The following SMCO4 variants were observed in gnomAD, a reference collection of about 807,000 sequenced individuals.
The protein encoded by SMCO4 is single-pass membrane protein with coiled-coil domains 4.
SMCO4 carries 4 observed loss-of-function variants against 3.6 expected under a neutral mutation model. That is an observed-to-expected ratio of 1.11 (90% CI 0.54 to 2.53). The LOEUF is 2.53. SMCO4 is among the 30% of genes most tolerant of loss of function. The pLI, the probability that SMCO4 is intolerant of heterozygous loss-of-function variation, is 0.02. For missense variants in SMCO4, 70 were observed against 80.8 expected, an observed-to-expected ratio of 0.87 and a Z score of 0.51; for synonymous variants, 36 against 35.3, an observed-to-expected ratio of 1.02 and a Z score of -0.07.
intron 2 of SMCO4, among the ~76,000 whole-genome samples, chr11:93,490,267 C>A (rs1194010172): frequency 6.6e-6 from 1 of 152,212 alleles, no homozygotes; most frequent in South Asian, 2.1e-4. Flanking sequence ...CCATCAGCAA[C>A]CTGAAACACA....
intron 2 of SMCO4, among the ~76,000 whole-genome samples, chr11:93,491,856 T>C (rs979511457): frequency 6.6e-6 from 1 of 152,190 alleles, no homozygotes; most frequent in Non-Finnish European, 1.5e-5. Context: ...TGGCCAGGTG[T>C]GGGCTAACAG....
chr11:93,484,645 G>A (rs1489275264), intron 2 of SMCO4, among the ~76,000 whole-genome samples: 2 of 151,864 alleles, frequency 1.3e-5, no homozygotes, highest in African/African-American at 4.8e-5. Context: ...AGCGAGGTCT[G>A]TGCTGTGGAG....
chr11:93,502,595 A>G (rs924719005), intron 1 of SMCO4, among the ~76,000 whole-genome samples: 1 of 152,216 alleles, frequency 6.6e-6, no homozygotes, highest in African/African-American at 2.4e-5. Context: ...AGGTACTCTC[A>G]TCATTCAACT....
At chr11:93,516,807 AAAAAAAGTAGAG>A (rs2134617077) in intron 1 of SMCO4, among the ~76,000 whole-genome samples, 1 of 150,210 alleles carries the variant, frequency 6.7e-6, no homozygotes, top group East Asian at 2.0e-4. Context: ...AAAAAAAAGA[AAAAAAAGTAGAG>A]AGAGAGATCT....
chr11:93,547,635 A>G (rs1455860334), upstream of SMCO4, among the ~76,000 whole-genome samples: 1 of 152,236 alleles, frequency 6.6e-6, no homozygotes, highest in African/African-American at 2.4e-5. Flanking sequence ...CCTGGTGCAT[A>G]CAGGAACTCA....
intron 1 of SMCO4, among the ~76,000 whole-genome samples, chr11:93,533,745 A>C (rs1949185708): frequency 1.3e-5 from 2 of 152,194 alleles, no homozygotes; most frequent in East Asian, 3.9e-4. Context: ...GCCTCCACCG[A>C]AGCCTCCCAC....
At chr11:93,483,162 T>C (rs1309747610) in intron 2 of SMCO4, among the ~76,000 whole-genome samples, 3 of 151,572 alleles carry the variant, frequency 2.0e-5, no homozygotes, top group Non-Finnish European at 4.4e-5. Flanking sequence ...TTCAATGAAA[T>C]AGGAGAAGGT....
intron 1 of SMCO4, among the ~76,000 whole-genome samples, chr11:93,509,682 C>G (rs1435756183): frequency 1.3e-5 from 2 of 152,176 alleles, no homozygotes; most frequent in Admixed American, 6.5e-5. Context: ...CTGGACGGAA[C>G]TGGAGATCAT....
intron 1 of SMCO4, among the ~76,000 whole-genome samples, chr11:93,510,844 A>G (rs1948950176): frequency 6.6e-6 from 1 of 152,216 alleles, no homozygotes; most frequent in African/African-American, 2.4e-5. Flanking sequence ...CATGCCTGTA[A>G]TCCAAGCACT....
At chr11:93,546,245 G>T (rs538550376), upstream of SMCO4, among the ~76,000 whole-genome samples, 113 of 152,328 alleles carry the variant, frequency 7.4e-4, no homozygotes, top group African/African-American at 2.6e-3. Flanking sequence ...TCTAAGCTTA[G>T]CAGAGCATCA....
intron 1 of SMCO4, among the ~76,000 whole-genome samples, chr11:93,542,311 G>A (rs754793209): frequency 5.2e-4 from 79 of 152,320 alleles, no homozygotes; most frequent in Admixed American, 1.4e-3. Flanking sequence ...GGGATCTAGA[G>A]GTGTCACTTA....
chr11:93,496,477 C>T (rs558477879), intron 2 of SMCO4, among the ~76,000 whole-genome samples: 1 of 152,288 alleles, frequency 6.6e-6, no homozygotes, highest in South Asian at 2.1e-4. Context: ...AATCTGGACA[C>T]AGTAAGCTTG....
chr11:93,495,851 T>C (rs1948766587), intron 2 of SMCO4, among the ~76,000 whole-genome samples: 2 of 152,236 alleles, frequency 1.3e-5, no homozygotes, highest in African/African-American at 2.4e-5. Context: ...CAGAACACAA[T>C]ATTCATTCTA....
intron 2 of SMCO4, among the ~76,000 whole-genome samples, chr11:93,494,991 C>G (rs938495645): frequency 6.6e-6 from 1 of 152,160 alleles, no homozygotes; most frequent in Non-Finnish European, 1.5e-5. Context: ...AGCGACCCTC[C>G]TCAGTGTTCT....
intron 1 of SMCO4, among the ~76,000 whole-genome samples, chr11:93,519,097 C>T (rs1317572069): frequency 6.6e-6 from 1 of 152,104 alleles, no homozygotes; most frequent in Non-Finnish European, 1.5e-5. Flanking sequence ...TAGCCTGGGA[C>T]CAAGGGAAAG....
In SMCO4 at chr11:93,515,496, G is replaced by A. The variant is rs189193801; in HGVS notation, c.-153-16148C>T. Among the ~76,000 whole-genome samples, 108 of 152,332 alleles carry A rather than the reference G, an allele frequency of 7.1e-4. 1 individual carries two copies. Among genetic ancestry groups the A allele is most frequent in the African/African-American group, 2.4e-3 (101 of 41,568 alleles). On this transcript the variant is annotated intron_variant, in intron 1 of 2. Transcript: ENST00000298966. ...AGTTCAATGAGTTAACGAAGGTCAT[G>A]TCTGTTACTCAGGACCCTTGGTTAT... is the stretch of plus-strand genomic sequence containing the variant.
chr11:93,509,059 G>T (rs1591315826), intron 1 of SMCO4, among the ~76,000 whole-genome samples: 2 of 152,178 alleles, frequency 1.3e-5, no homozygotes, highest in Non-Finnish European at 2.9e-5. Context: ...GGAGGCGGAG[G>T]TAGGCAATTT....
chr11:93,530,237 C>T (rs1378321070), intron 1 of SMCO4, among the ~76,000 whole-genome samples: 2 of 152,176 alleles, frequency 1.3e-5, no homozygotes, highest in Non-Finnish European at 2.9e-5. Flanking sequence ...GAAGAGCCCA[C>T]CAGTTCACAC....
In SMCO4 at chr11:93,535,830, C is replaced by G. The variant is rs1056946853; in HGVS notation, c.-154+7446G>C. On this transcript the variant is annotated intron_variant, in intron 1 of 2. Coordinates refer to ENST00000298966, the MANE Select transcript of SMCO4 (RefSeq NM_020179.3). Reference sequence around the variant, plus strand: ...CAACAGCAGCACAGTAAAGGACATACATTTCCTGCTTTCACCAATTAACCA... The same window carrying G: ...CAACAGCAGCACAGTAAAGGACATAGATTTCCTGCTTTCACCAATTAACCA... 5.0e-6 allele frequency: 8 copies of G among 1,597,240 alleles called. No individual in the cohort carries two copies. The African/African-American group carries it at 1.2e-4, about 24-fold the overall frequency.
Sources: allele counts gnomAD v4.1 joint callset (sites outside exome capture counted in the v4.1 genomes callset), GRCh38; gene constraint gnomAD v4.1.1; transcripts MANE v1.5; gene names NCBI Gene and HGNC (gene_info 2026-07-23, HGNC 2026-07-21).